The following RNFT2 variants were observed in gnomAD, a reference collection of about 807,000 sequenced individuals.
RNFT2 encodes E3 ubiquitin-protein ligase RNFT2.
A neutral mutation model predicts 53.0 loss-of-function variants in RNFT2; 36 were observed. That is an observed-to-expected ratio of 0.68 (90% CI 0.52 to 0.90). The LOEUF (loss-of-function observed/expected upper bound fraction) is 0.90. Among genes scored for constraint, RNFT2 ranks in the 40% least tolerant of loss-of-function variants. The pLI is 0.00. For missense variants in RNFT2, 514 were observed against 585.6 expected, an observed-to-expected ratio of 0.88 and a Z score of 1.26; for synonymous variants, 260 against 253.2, an observed-to-expected ratio of 1.03 and a Z score of -0.26.
chr12:116,831,198 CA>C lies in RNFT2; in HGVS notation c.883-2582del, dbSNP rs35779552. ...AACACAGCATGACCTCGTCTCTCTA[CA>C]AAAAAAAAAAAGAGAGAGAGAGAGA... On this transcript the variant is annotated intron_variant, in intron 7 of 10. Coordinates refer to ENST00000257575, the MANE Select transcript of RNFT2 (RefSeq NM_001382266.1). Among the ~76,000 whole-genome samples the C allele has an allele frequency of 1.8e-3, 258 of 142,572 alleles. 2 individuals carry two copies. The highest frequency in any genetic ancestry group is 6.0e-3 in the African/African-American group (226 of 37,902). 93.5% of individuals were successfully genotyped at this position (142,572 alleles called of 152,430 possible). A position where few individuals can be genotyped will look rare whatever the true frequency, so the allele number is the denominator to read the frequency against.
Position 116,852,414 on chromosome 12 carries a change from A to T in RNFT2, c.*2966A>T. The T allele has an allele frequency of 7.3e-7, 1 of 1,362,538 alleles. No individual in the cohort carries two copies. Among genetic ancestry groups the T allele is most frequent in the Non-Finnish European group, 9.5e-7 (1 of 1,056,102 alleles). 84.4% of individuals were successfully genotyped at this position (1,362,538 alleles called of 1,614,324 possible). The stretch of plus-strand genomic sequence containing the variant: ...TTGGCATCCCTGGCTCTCTCCTGGT[A>T]CCCAGCAAGACGTCTGTTCCAGGGC... On this transcript the variant is annotated 3_prime_UTR_variant, in exon 11 of 11. Coordinates refer to ENST00000257575, the MANE Select transcript of RNFT2 (RefSeq NM_001382266.1).
At chr12:116,806,397 T>TATATAGATAG (rs1166246066) in intron 7 of RNFT2, among the ~76,000 whole-genome samples, 64 of 131,666 alleles carry the variant, frequency 4.9e-4, no homozygotes, top group Admixed American at 9.5e-4. Flanking sequence ...TATATATATA[T>TATATAGATAG]ATAGATAGAT....
intron 8 of RNFT2, 117 bp from the exon 9 acceptor site, chr12:116,835,843 C>T (rs1009306834): frequency 9.8e-7 from 1 of 1,019,628 alleles, no homozygotes; most frequent in Non-Finnish European, 1.5e-6. Flanking sequence ...AAGAGGAGCC[C>T]TAAAAATGTT....
At chr12:116,760,688 G>A (rs902407067) in intron 5 of RNFT2, among the ~76,000 whole-genome samples, 3 of 152,108 alleles carry the variant, frequency 2.0e-5, no homozygotes, top group Non-Finnish European at 2.9e-5. Flanking sequence ...CAGTTTTGGG[G>A]GGCTCTCCTG....
chr12:116,802,119 C>T (rs1874828588), intron 7 of RNFT2, among the ~76,000 whole-genome samples: 1 of 152,128 alleles, frequency 6.6e-6, no homozygotes, highest in Non-Finnish European at 1.5e-5. Context: ...CTGCACCCAG[C>T]CTAATAGGCA....
chr12:116,752,217 G>A (rs965528966), intron 4 of RNFT2, among the ~76,000 whole-genome samples: 6 of 151,956 alleles, frequency 3.9e-5, no homozygotes, highest in African/African-American at 9.6e-5. Flanking sequence ...AGAAAGCTTC[G>A]AGAGGAGATG....
chr12:116,838,232 A>G (rs1235314244), intron 10 of RNFT2, among the ~76,000 whole-genome samples: 1 of 152,244 alleles, frequency 6.6e-6, no homozygotes, highest in African/African-American at 2.4e-5. Flanking sequence ...TAAGGCTGTC[A>G]TGAATGATCC....
chr12:116,783,932 A>G (rs549978676), intron 7 of RNFT2, among the ~76,000 whole-genome samples: 2 of 152,248 alleles, frequency 1.3e-5, no homozygotes, highest in Non-Finnish European at 2.9e-5. Flanking sequence ...AGTACTTTAC[A>G]TGTACAAACT....
chr12:116,774,289 C>T (rs1271304270), intron 6 of RNFT2, among the ~76,000 whole-genome samples: 6 of 152,162 alleles, frequency 3.9e-5, no homozygotes, highest in South Asian at 2.1e-4. Context: ...ATGGTTAAGA[C>T]GGTACCTTTT....
At chr12:116,767,482 G>C (rs954653678) in intron 6 of RNFT2, among the ~76,000 whole-genome samples, 21 of 152,260 alleles carry the variant, frequency 1.4e-4, no homozygotes, top group Admixed American at 1.2e-3. Context: ...GCCTCCCAAA[G>C]TGCTGGGATT....
intron 7 of RNFT2, among the ~76,000 whole-genome samples, chr12:116,810,169 G>A (rs560871987): frequency 2.6e-5 from 4 of 152,308 alleles, no homozygotes; most frequent in Non-Finnish European, 1.5e-5. Context: ...CAGTGGGGGT[G>A]TTGCAGGCAA....
rs374059009 is a variant in RNFT2 at position 116,849,359 on chromosome 12, C to T, written c.1246C>T (p.Arg416Cys). The T allele has an allele frequency of 7.8e-6, 12 of 1,546,722 alleles. No individual in the cohort carries two copies. The highest frequency in any genetic ancestry group is 2.4e-5 in the East Asian group (1 of 41,098). Reference protein sequence around the residue: ...ECLCLWLDRERTCPLCRSVAV... With the variant: ...ECLCLWLDRECTCPLCRSVAV... ...CCTCTGCCTGTGGCTGGACCGTGAG[C>T]GCACCTGCCCGCTCTGCCGCTCGGT... is the stretch of plus-strand genomic sequence containing the variant. The change falls in exon 11 of 11, where the codon CGC (arginine) becomes TGC (cysteine). Residue 416 changes from arginine to cysteine, a missense_variant. By Grantham distance (180) the Arg-to-Cys change is radical (BLOSUM62 -3). This residue lies in a region of RNFT2 where 273 missense variants were observed against 334.4 expected (regional missense o/e 0.82). Coordinates refer to ENST00000257575, the MANE Select transcript of RNFT2 (RefSeq NM_001382266.1).
At chr12:116,811,574 C>T (rs1487536867) in intron 7 of RNFT2, among the ~76,000 whole-genome samples, 1 of 152,182 alleles carries the variant, frequency 6.6e-6, no homozygotes, top group African/African-American at 2.4e-5. Flanking sequence ...CGAGTTTTCG[C>T]CATGTTGGCC....
chr12:116,789,912 AGATG>A lies in RNFT2; in HGVS notation c.882+10574_882+10577del, dbSNP rs1157233759. 2.7e-3 allele frequency among the ~76,000 whole-genome samples: 366 copies of A among 137,134 alleles called. 2 individuals carry two copies. Among genetic ancestry groups the A allele is most frequent in the African/African-American group, 9.5e-3 (345 of 36,486 alleles). The allele number at this position is 137,134 out of a possible 152,430, so 90.0% of individuals were successfully genotyped here. On this transcript the variant is annotated intron_variant, in intron 7 of 10. Coordinates refer to ENST00000257575, the MANE Select transcript of RNFT2 (RefSeq NM_001382266.1). Reference sequence around the variant, plus strand: ...GGAGAGTGGTGGGTGGATGGATGGTAGATGGATGGATGGGAGGAGAGTGGATGGA... The same window carrying A: ...GGAGAGTGGTGGGTGGATGGATGGTAGATGGATGGGAGGAGAGTGGATGGA...
intron 7 of RNFT2, among the ~76,000 whole-genome samples, chr12:116,782,535 A>G (rs1418633485): frequency 1.3e-5 from 2 of 152,176 alleles, no homozygotes; most frequent in African/African-American, 4.8e-5. Flanking sequence ...TCTTAAAAAA[A>G]ATAAAATAAA....
chr12:116,830,343 A>G (rs1483989151), intron 7 of RNFT2, among the ~76,000 whole-genome samples: 2 of 152,104 alleles, frequency 1.3e-5, no homozygotes, highest in African/African-American at 4.8e-5. Flanking sequence ...GCTGGAGTGC[A>G]GTGGCACAAT....
chr12:116,842,440 C>T (rs778088946), intron 10 of RNFT2, among the ~76,000 whole-genome samples: 1 of 152,128 alleles, frequency 6.6e-6, no homozygotes, highest in African/African-American at 2.4e-5. Flanking sequence ...GTACCTTGGG[C>T]GCACAGCTCC....
chr12:116,825,376 C>A (rs190448277), intron 7 of RNFT2, among the ~76,000 whole-genome samples: 6 of 152,314 alleles, frequency 3.9e-5, no homozygotes. Flanking sequence ...CACCTTAGTT[C>A]ATTTGAACCT....
chr12:116,836,343 C>A, intron 10 of RNFT2, 61 bp downstream of exon 10: 1 of 1,380,956 alleles, frequency 7.2e-7, no homozygotes, highest in South Asian at 1.2e-5. Flanking sequence ...GGACCCTTCC[C>A]CATGGGCAGT....
Sources: gnomAD v4.1 joint callset for allele counts (sites outside exome capture counted in the v4.1 genomes callset) on GRCh38, gnomAD v4.1.1 for gene constraint, gnomAD v4.1.1 regional missense constraint, MANE v1.5 for transcripts, NCBI Gene and HGNC (gene_info 2026-07-23, HGNC 2026-07-21) for gene names.